Variants in TRIM9 observed in about 807,000 individuals in gnomAD.
TRIM9 encodes the protein E3 ubiquitin-protein ligase TRIM9.
TRIM9 carries 26 observed loss-of-function variants against 78.3 expected under a neutral mutation model. The observed-to-expected ratio is 0.33, with a 90% confidence interval of 0.24 to 0.46. TRIM9 has a LOEUF of 0.46. Ranked by LOEUF, TRIM9 falls within the 20% of genes least tolerant of loss-of-function variation. The pLI is 1.00. For synonymous variants in TRIM9, 398 were observed against 416.5 expected (o/e 0.96, Z 0.54); for missense variants, 787 against 1,036.4 (o/e 0.76, Z 3.30).
chr14:51,059,712 C>T (rs567850663), intron 1 of TRIM9, among the ~76,000 whole-genome samples: 112 of 151,298 alleles, frequency 7.4e-4, no homozygotes, highest in African/African-American at 2.3e-3. Context: ...GCAGGAGAAT[C>T]GCTTGAACCT....
chr14:51,068,790 T>C (rs1419608928), intron 1 of TRIM9, among the ~76,000 whole-genome samples: 2 of 152,232 alleles, frequency 1.3e-5, no homozygotes, highest in Non-Finnish European at 2.9e-5. Flanking sequence ...ACCAGGCACC[T>C]GGCACTCTAG....
Position 50,982,030 on chromosome 14 carries a change from G to A in TRIM9, c.1932C>T (p.Thr644=), listed in dbSNP as rs1251005061. ...IILSNDNLTV[T]CSSYDDRVVL... The stretch of plus-strand genomic sequence containing the variant: ...CCACCCGGTCATCATAGCTACTACA[G>A]GTCACTGTCAGGTTGTCATTGGAGA... Residue 644 remains threonine, a synonymous_variant, in exon 11 of 13, where the codon ACC becomes ACT. Coordinates refer to ENST00000684578, the MANE Select transcript of TRIM9 (RefSeq NM_001387360.1). 2 of 1,614,056 alleles carry A rather than the reference G, an allele frequency of 1.2e-6. No homozygotes were observed. The highest frequency in any genetic ancestry group is 8.5e-7 in the Non-Finnish European group (1 of 1,180,042).
chr14:51,035,805 C>A (rs1355898203), intron 1 of TRIM9, among the ~76,000 whole-genome samples: 1 of 152,204 alleles, frequency 6.6e-6, no homozygotes, highest in Non-Finnish European at 1.5e-5. Flanking sequence ...CCAATATTTA[C>A]ACAAAGGCTT....
At chr14:51,066,087 A>AGGAAGGAAGGAGGGAG (rs1555346990) in intron 1 of TRIM9, among the ~76,000 whole-genome samples, 210 of 72,424 alleles carry the variant, frequency 2.9e-3, no homozygotes, top group African/African-American at 0.011. Context: ...GAAGGAAGGA[A>AGGAAGGAAGGAGGGAG]GGAGGGAGGG....
At chr14:51,086,401 C>T (rs1004825027) in intron 1 of TRIM9, among the ~76,000 whole-genome samples, 11 of 152,204 alleles carry the variant, frequency 7.2e-5, no homozygotes, top group African/African-American at 2.7e-4. Flanking sequence ...GTGCCCAGTA[C>T]ATTTTAGCAA....
At chr14:51,073,648 G>C (rs973639869) in intron 1 of TRIM9, among the ~76,000 whole-genome samples, 3 of 152,170 alleles carry the variant, frequency 2.0e-5, no homozygotes, top group Non-Finnish European at 2.9e-5. Context: ...GGGCGCTCTG[G>C]ACTGGAAGGG....
At chr14:50,997,450 C>A in intron 7 of TRIM9, 1 of 985,518 alleles carries the variant, frequency 1.0e-6, no homozygotes, top group Non-Finnish European at 1.2e-6. Flanking sequence ...GTTTGGTGCC[C>A]ACAGGAAGTC....
rs1159528743 is a variant in TRIM9 at position 50,975,702 on chromosome 14, C to G, written c.*1589G>C. 6.6e-6 allele frequency: 1 copy of G among 152,638 alleles called. No individual in the cohort carries two copies. The highest frequency in any genetic ancestry group is 1.5e-5 in the Non-Finnish European group (1 of 68,032). The allele number at this position is 152,638 out of a possible 1,614,324, so 9.5% of individuals were successfully genotyped here. A position where few individuals can be genotyped will look rare whatever the true frequency, so the allele number is the denominator to read the frequency against. On this transcript the variant is annotated 3_prime_UTR_variant, in exon 13 of 13. Transcript: ENST00000684578. ...GTTAGCTTTCCCATCCTATCTCTTCCCTTCTATTTGTTATTCTTGTTTTTT... is the reference window on the plus strand; with the variant it reads ...GTTAGCTTTCCCATCCTATCTCTTCGCTTCTATTTGTTATTCTTGTTTTTT...
At chr14:51,079,148 T>C (rs1370888026) in intron 1 of TRIM9, among the ~76,000 whole-genome samples, 1 of 151,752 alleles carries the variant, frequency 6.6e-6, no homozygotes, top group Non-Finnish European at 1.5e-5. Flanking sequence ...GCCTTCATAA[T>C]ATGCAAATTA....
intron 1 of TRIM9, among the ~76,000 whole-genome samples, chr14:51,093,157 A>G (rs1483375493): frequency 6.6e-6 from 1 of 152,184 alleles, no homozygotes; most frequent in Non-Finnish European, 1.5e-5. Flanking sequence ...AGCGTGGGAA[A>G]AATTGGAGGG....
intron 7 of TRIM9, chr14:50,997,624 C>T (rs2054393089): frequency 9.8e-7 from 1 of 1,023,522 alleles, no homozygotes; most frequent in Non-Finnish European, 1.2e-6. Flanking sequence ...GAACCTAGGT[C>T]CCACCCTCAG....
In TRIM9 at chr14:51,095,083, AC is replaced by A; in HGVS notation, c.-145del. 2 of 541,710 alleles carry A rather than the reference AC, an allele frequency of 3.7e-6. No individual in the cohort carries two copies. The highest frequency in any genetic ancestry group is 5.3e-4 in the Middle Eastern group (1 of 1,902). The allele number at this position is 541,710 out of a possible 1,614,324, so 33.6% of individuals were successfully genotyped here. ...CTTCCCGCGCAGCACTGGCACGGAC[AC>A]CCAGAGAGGCGCTAGCTCTGTGAGC... On this transcript the variant is annotated 5_prime_UTR_variant, in exon 1 of 13. Coordinates refer to ENST00000684578, the MANE Select transcript of TRIM9 (RefSeq NM_001387360.1).
chr14:51,009,355 C>A, intron 4 of TRIM9, 122 bp from the exon 5 acceptor site: 1 of 1,205,464 alleles, frequency 8.3e-7, no homozygotes, highest in East Asian at 2.4e-5. Flanking sequence ...ACTCTGACTG[C>A]CTCAGTGCTG....
chr14:51,000,592 G>A (rs1344330612), intron 6 of TRIM9, 91 bp downstream of exon 6: 9 of 1,534,384 alleles, frequency 5.9e-6, no homozygotes, highest in Non-Finnish European at 8.0e-6. Context: ...CCCCAGGAGA[G>A]ATGGGGAAGC....
At chr14:51,092,654 T>C (rs1373072634) in intron 1 of TRIM9, among the ~76,000 whole-genome samples, 2 of 152,144 alleles carry the variant, frequency 1.3e-5, no homozygotes, top group African/African-American at 4.8e-5. Flanking sequence ...ATGGATCATT[T>C]AAAAAATGAA....
chr14:50,999,259 GA>G (rs1369941959), intron 6 of TRIM9, among the ~76,000 whole-genome samples: 1 of 151,154 alleles, frequency 6.6e-6, no homozygotes, highest in Non-Finnish European at 1.5e-5. Context: ...TTTCCCAGGA[GA>G]AAAAAAAGAT....
intron 1 of TRIM9, among the ~76,000 whole-genome samples, chr14:51,053,670 A>G (rs149694788): frequency 0.11 from 16,107 of 144,116 alleles, 1,159 homozygotes; most frequent in Middle Eastern, 0.2. Context: ...ATATGTATAC[A>G]TGTGCCATGT....
rs1329392711 is a variant in TRIM9 at position 51,025,311 on chromosome 14, G to C, written c.872C>G (p.Ala291Gly). The C allele has an allele frequency of 6.2e-7, 1 of 1,614,062 alleles. No individual in the cohort carries two copies. Among genetic ancestry groups the C allele is most frequent in the African/African-American group, 1.3e-5 (1 of 74,918 alleles). Reference sequence around the variant, plus strand: ...GCGCAGCTGTACCAGAAACTCCTTGGCTTCTTTGGCCCTGTCTGACAGTCC... The same window carrying C: ...GCGCAGCTGTACCAGAAACTCCTTGCCTTCTTTGGCCCTGTCTGACAGTCC... ...LNGLSDRAKE[A>G]KEFLVQLRNM... Residue 291 changes from alanine (A) to glycine (G), a missense_variant, in exon 2 of 13, where the codon GCC (alanine) becomes GGC (glycine). Ala to Gly is a moderately conservative substitution (Grantham distance 60, BLOSUM62 0). Around this residue, in one of 3 missense-constraint regions of TRIM9, gnomAD observed 352 missense variants for 472.3 expected, o/e 0.75. Transcript: ENST00000684578.
intron 1 of TRIM9, chr14:51,089,041 G>A (rs988359301): frequency 4.6e-5 from 7 of 151,126 alleles, no homozygotes; most frequent in Non-Finnish European, 1.5e-5. Flanking sequence ...TAAGAAATTA[G>A]ATGCCATTAT....
Sources: allele counts gnomAD v4.1 joint callset (sites outside exome capture counted in the v4.1 genomes callset), GRCh38; gene constraint gnomAD v4.1.1; regional missense constraint gnomAD v4.1.1; transcripts MANE v1.5; gene names NCBI Gene and HGNC (gene_info 2026-07-23, HGNC 2026-07-21).